Variants in RBFOX1 observed in about 807,000 individuals in gnomAD.
The protein encoded by RBFOX1 is RNA binding fox-1 homolog 1.
A neutral mutation model predicts 57.7 loss-of-function variants in RBFOX1; 8 were observed. The observed-to-expected ratio is 0.14, with a 90% CI of 0.08 to 0.25. RBFOX1 has a LOEUF of 0.25. RBFOX1 is among the 10% of genes least tolerant of loss of function. The probability of loss-of-function intolerance (pLI) is 1.00; values close to 1 mark genes in which losing one functional copy is unlikely to be tolerated. For missense variants in RBFOX1, 611 were observed against 548.5 expected, an observed-to-expected ratio of 1.11 and a Z score of -1.14; for synonymous variants, 326 against 222.4, an observed-to-expected ratio of 1.47 and a Z score of -4.15.
intron 2 of RBFOX1, among the ~76,000 whole-genome samples, chr16:6,595,546 T>G (rs151181133): frequency 9.8e-4 from 150 of 152,330 alleles, no homozygotes; most frequent in African/African-American, 3.4e-3. Flanking sequence ...TCTGTGTACT[T>G]ACGTTTTTAT....
intron 4 of RBFOX1, among the ~76,000 whole-genome samples, chr16:7,147,010 C>T (rs1473594269): frequency 3.1e-5 from 4 of 130,220 alleles, no homozygotes; most frequent in African/African-American, 1.2e-4. Flanking sequence ...GATGGCGTCT[C>T]CCTCTGTTGC....
intron 1 of RBFOX1, among the ~76,000 whole-genome samples, chr16:6,100,770 G>A (rs570509734): frequency 7.2e-5 from 11 of 152,184 alleles, no homozygotes; most frequent in Non-Finnish European, 1.5e-4. Flanking sequence ...CAGGTTAACA[G>A]TGTTTGTCAA....
intron 3 of RBFOX1, among the ~76,000 whole-genome samples, chr16:5,809,150 T>C (rs2055333672): frequency 6.6e-6 from 1 of 152,184 alleles, no homozygotes; most frequent in Non-Finnish European, 1.5e-5. Context: ...ATCCCTTCCT[T>C]ACACCTTATA....
chr16:6,874,502 C>T (rs1164697492), intron 3 of RBFOX1, among the ~76,000 whole-genome samples: 1 of 95,936 alleles, frequency 1.0e-5, no homozygotes, highest in African/African-American at 4.8e-5. Flanking sequence ...CAGAGCAAGA[C>T]TCCATCTAAA....
Position 6,912,856 on chromosome 16 carries a change from G to T in RBFOX1, c.-15-139201G>T, listed in dbSNP as rs1258977310. Among the ~76,000 whole-genome samples, 3 of 152,062 alleles carry T rather than the reference G, an allele frequency of 2.0e-5. No individual in the cohort carries two copies. In the East Asian group the frequency reaches 5.8e-4, roughly 30 times the overall value. The stretch of plus-strand genomic sequence containing the variant: ...GCTAGACTCAAACTCCTGAGCTCAA[G>T]TGATCCTCTTGCCTTGACCTCCCAA... On this transcript the variant is annotated intron_variant, in intron 3 of 15. Coordinates refer to ENST00000550418, the MANE Select transcript of RBFOX1 (RefSeq NM_018723.4).
intron 2 of RBFOX1, among the ~76,000 whole-genome samples, chr16:5,558,398 A>C (rs2151099763): frequency 6.6e-6 from 1 of 152,216 alleles, no homozygotes; most frequent in African/African-American, 2.4e-5. Context: ...CCCATCTGCA[A>C]GTTCCCCTTA....
intron 3 of RBFOX1, among the ~76,000 whole-genome samples, chr16:6,893,085 C>G (rs531016139): frequency 2.0e-5 from 3 of 152,166 alleles, no homozygotes; most frequent in Non-Finnish European, 4.4e-5. Flanking sequence ...GACTGCCCAC[C>G]TCACCTGACC....
chr16:6,698,264 G>C (rs1436438054), intron 3 of RBFOX1, among the ~76,000 whole-genome samples: 1 of 152,158 alleles, frequency 6.6e-6, no homozygotes, highest in East Asian at 1.9e-4. Flanking sequence ...GATGTCCACA[G>C]AAGATATGGG....
intron 4 of RBFOX1, among the ~76,000 whole-genome samples, chr16:7,111,512 G>C (rs887076714): frequency 6.6e-6 from 1 of 152,118 alleles, no homozygotes; most frequent in Non-Finnish European, 1.5e-5. Context: ...TCTGCTGTTG[G>C]GGGAAGGGTG....
chr16:7,676,325 T>C (rs2073254803), intron 13 of RBFOX1, among the ~76,000 whole-genome samples: 1 of 152,174 alleles, frequency 6.6e-6, no homozygotes, highest in Non-Finnish European at 1.5e-5. Flanking sequence ...TTAATAAATA[T>C]AAAAGACAGG....
chr16:6,256,654 C>G (rs187702383), intron 1 of RBFOX1, among the ~76,000 whole-genome samples: 1 of 152,218 alleles, frequency 6.6e-6, no homozygotes, highest in Non-Finnish European at 1.5e-5. Context: ...AGCCAGAACA[C>G]TTTTGCTGTG....
In RBFOX1 at chr16:6,487,152, G is replaced by C. The variant is rs62016821; in HGVS notation, c.-63-167451G>C. 3.5e-5 allele frequency among the ~76,000 whole-genome samples: 3 copies of C among 85,938 alleles called. No individual in the cohort carries two copies. In the East Asian group the frequency reaches 8.4e-4, roughly 24 times the overall value. 56.4% of individuals were successfully genotyped at this position (85,938 alleles called of 152,430 possible). On this transcript the variant is annotated intron_variant, in intron 2 of 15. Transcript: ENST00000550418. The stretch of plus-strand genomic sequence containing the variant: ...AGTAAGTTGTGGGGTTTCTGTGTGT[G>C]TGTGTGTGTGTGTGTGTGTGTGTGT...
At chr16:6,968,004 C>G (rs1008012217) in intron 3 of RBFOX1, among the ~76,000 whole-genome samples, 4 of 152,160 alleles carry the variant, frequency 2.6e-5, no homozygotes, top group Non-Finnish European at 5.9e-5. Flanking sequence ...CGGGAAGGTG[C>G]TGCCTCTGCT....
At chr16:6,587,847 C>T (rs749292719) in intron 2 of RBFOX1, among the ~76,000 whole-genome samples, 6 of 152,196 alleles carry the variant, frequency 3.9e-5, no homozygotes, top group Non-Finnish European at 7.3e-5. Flanking sequence ...TTTCTACCCT[C>T]CGTCTTCCCA....
At chr16:7,444,427 CAG>C (rs1338311509) in intron 4 of RBFOX1, among the ~76,000 whole-genome samples, 2 of 152,090 alleles carry the variant, frequency 1.3e-5, no homozygotes, top group African/African-American at 4.8e-5. Flanking sequence ...GAAAAGAGAA[CAG>C]AGTTGAAGAC....
chr16:5,259,569 C>T (rs1331837290), intron 1 of RBFOX1, among the ~76,000 whole-genome samples: 2 of 152,152 alleles, frequency 1.3e-5, no homozygotes, highest in Non-Finnish European at 2.9e-5. Context: ...AGTGGGTGCT[C>T]AGTGGAACAG....
chr16:7,062,892 CATTTTT>C (rs1212958735), intron 4 of RBFOX1, among the ~76,000 whole-genome samples: 886 of 59,812 alleles, frequency 0.015, 228 homozygotes, highest in African/African-American at 0.028. Flanking sequence ...AAATGATCGC[CATTTTT>C]TTTTTTTTTT....
At chr16:6,012,318 C>A (rs905322711) in intron 4 of RBFOX1, among the ~76,000 whole-genome samples, 1 of 152,202 alleles carries the variant, frequency 6.6e-6, no homozygotes, top group Non-Finnish European at 1.5e-5. Context: ...TAAATGTATG[C>A]TAATTGCTAT....
chr16:7,327,620 A>G (rs1316855014), intron 4 of RBFOX1, among the ~76,000 whole-genome samples: 1 of 152,186 alleles, frequency 6.6e-6, no homozygotes, highest in African/African-American at 2.4e-5. Flanking sequence ...TTCTTTTTAG[A>G]TAGCTTTTTA....
Sources: gnomAD v4.1 joint callset for allele counts (sites outside exome capture counted in the v4.1 genomes callset) on GRCh38, gnomAD v4.1.1 for gene constraint, MANE v1.5 for transcripts, NCBI Gene and HGNC (gene_info 2026-07-23, HGNC 2026-07-21) for gene names.